The following SORCS2 variants were observed in gnomAD, a reference collection of about 807,000 sequenced individuals.
The protein encoded by SORCS2 is VPS10 domain-containing receptor SorCS2.
Under a neutral mutation model 141.6 loss-of-function variants are expected in SORCS2, and 100 were observed. That is an observed-to-expected ratio of 0.71 (90% CI 0.60 to 0.83). The LOEUF (loss-of-function observed/expected upper bound fraction) is 0.83, where lower values mean the gene tolerates loss of function less well. Among genes scored for constraint, SORCS2 ranks in the 40% least tolerant of loss-of-function variants. The probability of loss-of-function intolerance (pLI) is 0.00; values close to 1 mark genes in which losing one functional copy is unlikely to be tolerated. For synonymous variants in SORCS2, 789 were observed against 676.9 expected (o/e 1.17, Z -2.57); for missense variants, 1,646 against 1,560.2 (o/e 1.05, Z -0.93).
chr4:7,394,065 C>T (rs1668500900), intron 1 of SORCS2, among the ~76,000 whole-genome samples: 1 of 150,684 alleles, frequency 6.6e-6, no homozygotes, highest in African/African-American at 2.5e-5. Flanking sequence ...AAAGCCAACG[C>T]CGCAGGAACC....
At chr4:7,709,031 C>T (rs1725656199) in intron 14 of SORCS2, among the ~76,000 whole-genome samples, 1 of 152,180 alleles carries the variant, frequency 6.6e-6, no homozygotes. Flanking sequence ...ATGGGATGGT[C>T]CTGCCTTTTC....
intron 20 of SORCS2, 35 bp from the exon 21 acceptor site, chr4:7,726,745 C>T (rs2301746): frequency 0.49 from 787,986 of 1,603,784 alleles, 195,137 homozygotes; most frequent in East Asian, 0.6. Context: ...CTGCCTCACT[C>T]GGCCAGGCCC....
At chr4:7,608,152 G>A (rs1211032571) in intron 3 of SORCS2, among the ~76,000 whole-genome samples, 1 of 152,134 alleles carries the variant, frequency 6.6e-6, no homozygotes. Context: ...ACCAGAGCAG[G>A]AGTGTGGGTA....
chr4:7,550,118 G>GTGTGTATA (rs1374873853), intron 3 of SORCS2, among the ~76,000 whole-genome samples: 4 of 78,140 alleles, frequency 5.1e-5, no homozygotes, highest in Admixed American at 1.6e-4. Context: ...CCGTGTGTGT[G>GTGTGTATA]TGTGTATGTG....
intron 1 of SORCS2, among the ~76,000 whole-genome samples, chr4:7,212,697 A>G (rs1375003999): frequency 6.6e-6 from 1 of 152,256 alleles, no homozygotes; most frequent in Non-Finnish European, 1.5e-5. Flanking sequence ...TCACATGCCC[A>G]CACAAACCCA....
At chr4:7,410,670 T>G (rs956846393) in intron 2 of SORCS2, among the ~76,000 whole-genome samples, 2 of 152,212 alleles carry the variant, frequency 1.3e-5, no homozygotes, top group Non-Finnish European at 2.9e-5. Flanking sequence ...CCCTCAGTGT[T>G]TGCTTTAACA....
chr4:7,638,537 C>T (rs1444461778), intron 4 of SORCS2, 45 bp downstream of exon 4: 1 of 1,564,778 alleles, frequency 6.4e-7, no homozygotes, highest in Non-Finnish European at 8.6e-7. Flanking sequence ...GGGCTGGGGT[C>T]TGCTCGACCC....
intron 3 of SORCS2, among the ~76,000 whole-genome samples, chr4:7,550,070 C>T (rs1490550922): frequency 6.8e-6 from 1 of 146,900 alleles, no homozygotes; most frequent in Non-Finnish European, 1.5e-5. Context: ...AATAGCAGCT[C>T]CTCTTCACAC....
intron 2 of SORCS2, among the ~76,000 whole-genome samples, chr4:7,429,803 C>G (rs1726702739): frequency 6.6e-6 from 1 of 152,218 alleles, no homozygotes. Flanking sequence ...GCCTGCTGCT[C>G]CCTCCACTAC....
At chr4:7,411,280 C>T (rs1454465132) in intron 2 of SORCS2, among the ~76,000 whole-genome samples, 2 of 152,024 alleles carry the variant, frequency 1.3e-5, no homozygotes, top group Non-Finnish European at 2.9e-5. Flanking sequence ...ACTTTAATAC[C>T]TGCCCTCCCT....
chr4:7,378,639 T>A (rs1722805311), intron 1 of SORCS2, among the ~76,000 whole-genome samples: 1 of 152,188 alleles, frequency 6.6e-6, no homozygotes, highest in African/African-American at 2.4e-5. Flanking sequence ...ATTATTGCAA[T>A]TCAAGGTGAG....
At chr4:7,717,075 T>C (rs4689836) in intron 17 of SORCS2, among the ~76,000 whole-genome samples, 35,999 of 152,178 alleles carry the variant, frequency 0.24, 5,478 homozygotes, top group East Asian at 0.62. Context: ...AGACGCATAG[T>C]GTAGCCTGAG....
intron 3 of SORCS2, among the ~76,000 whole-genome samples, chr4:7,583,449 G>A (rs542723449): frequency 6.6e-6 from 1 of 152,130 alleles, no homozygotes; most frequent in Non-Finnish European, 1.5e-5. Context: ...CTCCCACCCA[G>A]GTTTATCCTC....
intron 2 of SORCS2, among the ~76,000 whole-genome samples, chr4:7,414,402 A>G (rs543220079): frequency 1.2e-3 from 182 of 152,336 alleles, no homozygotes; most frequent in Non-Finnish European, 2.3e-3. Flanking sequence ...GGGCAAGTGG[A>G]ACAGAGGAAG....
intron 2 of SORCS2, among the ~76,000 whole-genome samples, chr4:7,400,326 C>T (rs1026764044): frequency 6.6e-6 from 1 of 152,262 alleles, no homozygotes; most frequent in Admixed American, 6.5e-5. Flanking sequence ...GGTACTGGAT[C>T]CTGCCCCCCA....
intron 1 of SORCS2, among the ~76,000 whole-genome samples, chr4:7,340,972 A>C (rs1462260313): frequency 6.6e-6 from 1 of 152,238 alleles, no homozygotes; most frequent in South Asian, 2.1e-4. Context: ...TCCCTGCTGC[A>C]TGGCCAGAGC....
At chr4:7,313,308 T>A (rs1407175939) in intron 1 of SORCS2, among the ~76,000 whole-genome samples, 1 of 152,150 alleles carries the variant, frequency 6.6e-6, no homozygotes, top group Non-Finnish European at 1.5e-5. Flanking sequence ...AATCATGGAG[T>A]GCCTCCTGAG....
At chr4:7,654,743 C>A (rs950300473) in intron 5 of SORCS2, among the ~76,000 whole-genome samples, 1 of 152,182 alleles carries the variant, frequency 6.6e-6, no homozygotes, top group Admixed American at 6.5e-5. Context: ...CCCTTCCCAG[C>A]CCCTACTGGG....
intron 1 of SORCS2, among the ~76,000 whole-genome samples, chr4:7,215,334 C>G (rs1326595764): frequency 6.6e-6 from 1 of 152,200 alleles, no homozygotes; most frequent in Non-Finnish European, 1.5e-5. Flanking sequence ...GCGCTGCGCT[C>G]GATTTCTCAC....
Sources: allele counts gnomAD v4.1 joint callset (sites outside exome capture counted in the v4.1 genomes callset), GRCh38; gene constraint gnomAD v4.1.1; transcripts MANE v1.5; gene names NCBI Gene and HGNC (gene_info 2026-07-23, HGNC 2026-07-21).